GNA14: variants seen among roughly 807,000 people sequenced by gnomAD.
GNA14 encodes the protein G protein subunit alpha 14.
In GNA14, 50 loss-of-function variants were observed where a neutral mutation model predicts 42.0. The observed-to-expected ratio is 1.19, with a 90% confidence interval of 0.95 to 1.51. GNA14 has a LOEUF of 1.51. Ranked by LOEUF, GNA14 falls within the 40% of genes most tolerant of loss-of-function variation. The probability of loss-of-function intolerance (pLI) is 0.00; values close to 1 mark genes in which losing one functional copy is unlikely to be tolerated. For missense variants in GNA14, 473 were observed against 446.2 expected, an observed-to-expected ratio of 1.06 and a Z score of -0.54; for synonymous variants, 173 against 163.1, an observed-to-expected ratio of 1.06 and a Z score of -0.46.
At chr9:77,609,315 G>A (rs769822016) in intron 1 of GNA14, among the ~76,000 whole-genome samples, 6 of 152,034 alleles carry the variant, frequency 3.9e-5, no homozygotes, top group Non-Finnish European at 5.9e-5. Context: ...CACCAGAACC[G>A]CTTTTAATGT....
intron 2 of GNA14, among the ~76,000 whole-genome samples, chr9:77,484,430 C>G (rs1231606707): frequency 7.1e-6 from 1 of 139,932 alleles, no homozygotes; most frequent in African/African-American, 2.6e-5. Context: ...TTTATATAAT[C>G]ATAAGTGATA....
intron 2 of GNA14, among the ~76,000 whole-genome samples, chr9:77,445,452 C>T (rs1446451563): frequency 6.6e-6 from 1 of 150,874 alleles, no homozygotes; most frequent in Admixed American, 6.6e-5. Context: ...GTGGCTCATG[C>T]CTGTAATCCC....
At chr9:77,561,644 T>C (rs879779777) in intron 1 of GNA14, among the ~76,000 whole-genome samples, 1 of 152,206 alleles carries the variant, frequency 6.6e-6, no homozygotes, top group Non-Finnish European at 1.5e-5. Context: ...AGAGTTCTTA[T>C]TTAATGGATT....
At chr9:77,630,258 C>T (rs1375319274) in intron 1 of GNA14, among the ~76,000 whole-genome samples, 1 of 151,994 alleles carries the variant, frequency 6.6e-6, no homozygotes, top group African/African-American at 2.4e-5. Flanking sequence ...GCTGGGACTA[C>T]AAATGTGTGC....
chr9:77,498,600 G>A (rs559140547), intron 2 of GNA14, among the ~76,000 whole-genome samples: 1 of 152,246 alleles, frequency 6.6e-6, no homozygotes, highest in South Asian at 2.1e-4. Flanking sequence ...TCAACATGAT[G>A]CCTGGCACAC....
rs151170664 is a variant in GNA14 at position 77,578,386 on chromosome 9, C to T, written c.125-49133G>A. On this transcript the variant is annotated intron_variant, in intron 1 of 6. Coordinates refer to ENST00000341700, the MANE Select transcript of GNA14 (RefSeq NM_004297.4). The stretch of plus-strand genomic sequence containing the variant: ...CCTGTGATTTCAGTCTCTCACATAA[C>T]TCTAGAAAACTCTATTATATCTAGG... 3.6e-4 allele frequency among the ~76,000 whole-genome samples: 55 copies of T among 152,308 alleles called. No individual in the cohort carries two copies. In the East Asian group the frequency reaches 0.01, roughly 28 times the overall value.
chr9:77,460,319 G>C (rs1230035654), intron 2 of GNA14, among the ~76,000 whole-genome samples: 1 of 152,170 alleles, frequency 6.6e-6, no homozygotes. Context: ...TGTTGTGTCC[G>C]CAAGCCGAGG....
At chr9:77,521,722 GT>G (rs1682607110) in intron 2 of GNA14, among the ~76,000 whole-genome samples, 1 of 152,182 alleles carries the variant, frequency 6.6e-6, no homozygotes, top group African/African-American at 2.4e-5. Context: ...TGATGCTTAT[GT>G]TTTATACTTG....
intron 2 of GNA14, among the ~76,000 whole-genome samples, chr9:77,460,705 A>G (rs1836088484): frequency 6.6e-6 from 1 of 152,096 alleles, no homozygotes; most frequent in South Asian, 2.1e-4. Context: ...AGGGGCCAAA[A>G]AAGCATCTTT....
At chr9:77,558,704 TC>T (rs1394576379) in intron 1 of GNA14, among the ~76,000 whole-genome samples, 1 of 152,128 alleles carries the variant, frequency 6.6e-6, no homozygotes, top group African/African-American at 2.4e-5. Flanking sequence ...GTGCCATTCT[TC>T]CCATAAAAGG....
chr9:77,499,706 C>T (rs548420775), intron 2 of GNA14, among the ~76,000 whole-genome samples: 4 of 151,944 alleles, frequency 2.6e-5, no homozygotes, highest in Admixed American at 2.0e-4. Context: ...AAAAATTAGC[C>T]GGGCATGGTG....
chr9:77,535,892 GTT>G (rs113315168), intron 1 of GNA14, among the ~76,000 whole-genome samples: 16,375 of 87,582 alleles, frequency 0.19, 953 homozygotes, highest in Middle Eastern at 0.24. Flanking sequence ...TAGTTGTTTT[GTT>G]TTTTTTTTTT....
At chr9:77,512,178 GA>G (rs1478750452) in intron 2 of GNA14, among the ~76,000 whole-genome samples, 1 of 151,350 alleles carries the variant, frequency 6.6e-6, no homozygotes, top group Non-Finnish European at 1.5e-5. Flanking sequence ...AATATTTCCA[GA>G]ACACAAACAT....
At chr9:77,587,021 T>A (rs1163323767) in intron 1 of GNA14, among the ~76,000 whole-genome samples, 1 of 151,936 alleles carries the variant, frequency 6.6e-6, no homozygotes, top group Non-Finnish European at 1.5e-5. Flanking sequence ...TGGGGGCTGC[T>A]TTTTATTAAA....
At chr9:77,565,305 C>T (rs182452753) in intron 1 of GNA14, among the ~76,000 whole-genome samples, 1 of 152,048 alleles carries the variant, frequency 6.6e-6, no homozygotes, top group East Asian at 1.9e-4. Context: ...AAATACAGAC[C>T]AGATTTTGAA....
chr9:77,614,880 C>T (rs1042313836), intron 1 of GNA14, among the ~76,000 whole-genome samples: 7 of 152,168 alleles, frequency 4.6e-5, no homozygotes, highest in Non-Finnish European at 1.0e-4. Flanking sequence ...TCAAAGAAAT[C>T]GTCAGGGGTG....
intron 2 of GNA14, among the ~76,000 whole-genome samples, chr9:77,518,928 T>A (rs1837305532): frequency 1.3e-5 from 2 of 152,178 alleles, no homozygotes; most frequent in Admixed American, 1.3e-4. Flanking sequence ...TTTACATCAG[T>A]TTTAGATCAT....
intron 2 of GNA14, among the ~76,000 whole-genome samples, chr9:77,522,127 T>C (rs1253719155): frequency 6.6e-6 from 1 of 152,202 alleles, no homozygotes; most frequent in Admixed American, 6.5e-5. Context: ...ATGGCCCATA[T>C]GCTATTTTTA....
chr9:77,490,660 C>T (rs538290509), intron 2 of GNA14, among the ~76,000 whole-genome samples: 18 of 152,338 alleles, frequency 1.2e-4, no homozygotes, highest in East Asian at 1.2e-3. Context: ...CCAGCAGGGC[C>T]GGCCGGCCGC....
Sources: gnomAD v4.1 joint callset for allele counts (sites outside exome capture counted in the v4.1 genomes callset) on GRCh38, gnomAD v4.1.1 for gene constraint, MANE v1.5 for transcripts, NCBI Gene and HGNC (gene_info 2026-07-23, HGNC 2026-07-21) for gene names.